The following TAF1B variants were observed in gnomAD, a reference collection of about 807,000 sequenced individuals.
TAF1B encodes TATA-box binding protein associated factor, RNA polymerase I subunit B.
TAF1B carries 61 observed loss-of-function variants against 83.9 expected under a neutral mutation model. The observed-to-expected ratio is 0.73, with a 90% confidence interval of 0.59 to 0.90. The LOEUF (loss-of-function observed/expected upper bound fraction) is 0.90, where lower values mean the gene tolerates loss of function less well. TAF1B is among the 40% of genes least tolerant of loss of function. TAF1B has a pLI of 0.00. For synonymous variants in TAF1B, 221 were observed against 224.6 expected, an observed-to-expected ratio of 0.98 and a Z score of 0.14; for missense variants, 625 against 677.0, an observed-to-expected ratio of 0.92 and a Z score of 0.85.
At chr2:9,894,085 A>G (rs1250213275) in intron 8 of TAF1B, among the ~76,000 whole-genome samples, 1 of 136,320 alleles carries the variant, frequency 7.3e-6, no homozygotes, top group African/African-American at 2.5e-5. Flanking sequence ...CTTAACTAAA[A>G]GTGTAAATTG....
intron 11 of TAF1B, among the ~76,000 whole-genome samples, chr2:9,912,398 C>G (rs111706904): frequency 2.0e-5 from 3 of 151,754 alleles, no homozygotes; most frequent in African/African-American, 7.2e-5. Context: ...GATTTATGTT[C>G]ATTGGTTTTA....
intron 5 of TAF1B, among the ~76,000 whole-genome samples, chr2:9,854,740 T>G (rs1284452436): frequency 6.6e-6 from 1 of 152,260 alleles, no homozygotes; most frequent in Non-Finnish European, 1.5e-5. Flanking sequence ...ATTTTTAATT[T>G]AATAATGTAT....
At chr2:9,872,588 G>C (rs887452804) in intron 6 of TAF1B, among the ~76,000 whole-genome samples, 4 of 152,050 alleles carry the variant, frequency 2.6e-5, no homozygotes, top group Admixed American at 6.6e-5. Context: ...TATTGTTCTT[G>C]TCACCTTTTT....
At chr2:9,866,895 A>G (rs535407007) in intron 5 of TAF1B, among the ~76,000 whole-genome samples, 37 of 151,422 alleles carry the variant, frequency 2.4e-4, no homozygotes, top group Non-Finnish European at 2.5e-4. Flanking sequence ...ATGAGAACAC[A>G]TGGACACAGG....
chr2:9,909,038 G>A (rs935459678), intron 9 of TAF1B, among the ~76,000 whole-genome samples: 1 of 152,144 alleles, frequency 6.6e-6, no homozygotes, highest in African/African-American at 2.4e-5. Flanking sequence ...ACTTTGATGC[G>A]ATATTTTGAA....
intron 9 of TAF1B, among the ~76,000 whole-genome samples, chr2:9,907,289 A>G (rs1665374631): frequency 6.6e-6 from 1 of 152,010 alleles, no homozygotes; most frequent in Non-Finnish European, 1.5e-5. Context: ...TTGGTTTGCA[A>G]ACCACCCATA....
At chr2:9,867,389 T>C (rs537024515) in intron 5 of TAF1B, among the ~76,000 whole-genome samples, 137 of 152,368 alleles carry the variant, frequency 9.0e-4, no homozygotes, top group Admixed American at 2.2e-3. Context: ...GCCAGCTTTC[T>C]GGTGTAGCCT....
Position 9,871,858 on chromosome 2 carries a change from GA to G in TAF1B, c.553+3430del, listed in dbSNP as rs1265710828. On this transcript the variant is annotated intron_variant, in intron 6 of 14. Transcript: ENST00000263663. ...AGAAGAAGACCGGAGGGGAATGGGG[GA>G]TTGTTTTAGTATTCAGTATGTAAAC... Among the ~76,000 whole-genome samples, 5 of 152,104 alleles carry G rather than the reference GA, an allele frequency of 3.3e-5. No homozygotes were observed. In the East Asian group the frequency reaches 9.6e-4, roughly 29 times the overall value.
At chr2:9,911,024 A>G (rs1665516955) in intron 10 of TAF1B, 111 bp downstream of exon 10, 3 of 1,015,296 alleles carry the variant, frequency 3.0e-6, no homozygotes, top group Middle Eastern at 6.5e-4. Flanking sequence ...TAAAGAAAAA[A>G]TTTGTACTGT....
intron 14 of TAF1B, among the ~76,000 whole-genome samples, chr2:9,923,508 T>A (rs12623213): frequency 0.22 from 34,006 of 151,818 alleles, 4,729 homozygotes; most frequent in East Asian, 0.31. Flanking sequence ...GAGAAACCCC[T>A]GTCTCTACTA....
Position 9,882,943 on chromosome 2 carries a change from G to A in TAF1B, c.807+138G>A, listed in dbSNP as rs1664559064. ...GGAACATCAGTCATAATTTAACGAA[G>A]AGTAGAATTTTATTATTTTTTATTT... On this transcript the variant is annotated intron_variant, in intron 8 of 14. Transcript: ENST00000263663. The A allele has an allele frequency of 1.1e-5, 6 of 565,178 alleles. No individual in the cohort carries two copies. The South Asian group carries it at 1.9e-4, about 18-fold the overall frequency. 35.0% of individuals were successfully genotyped at this position (565,178 alleles called of 1,614,324 possible). A position where few individuals can be genotyped will look rare whatever the true frequency, so the allele number is the denominator to read the frequency against.
intron 7 of TAF1B, among the ~76,000 whole-genome samples, chr2:9,877,393 C>G (rs1198646383): frequency 6.6e-6 from 1 of 152,162 alleles, no homozygotes; most frequent in Non-Finnish European, 1.5e-5. Context: ...CTGTTGCATC[C>G]TATCCAGAAG....
chr2:9,908,658 C>T (rs1451138652), intron 9 of TAF1B, among the ~76,000 whole-genome samples: 1 of 152,164 alleles, frequency 6.6e-6, no homozygotes, highest in Admixed American at 6.5e-5. Context: ...TTCTCTATCT[C>T]CTAATCTTTT....
chr2:9,860,919 A>G (rs1663731606), intron 5 of TAF1B, among the ~76,000 whole-genome samples: 1 of 152,236 alleles, frequency 6.6e-6, no homozygotes, highest in Admixed American at 6.5e-5. Context: ...AAGAAATTGC[A>G]TGGTTGCTGG....
intron 9 of TAF1B, among the ~76,000 whole-genome samples, chr2:9,908,630 T>G (rs1665422697): frequency 6.6e-6 from 1 of 152,228 alleles, no homozygotes; most frequent in South Asian, 2.1e-4. Flanking sequence ...CAGTAAATGC[T>G]TGTTGAATTG....
Position 9,854,404 on chromosome 2 carries a change from A to G in TAF1B, c.382A>G (p.Thr128Ala), listed in dbSNP as rs547652861. 1 of 1,613,736 alleles carries G rather than the reference A, an allele frequency of 6.2e-7. No homozygotes were observed. The highest frequency in any genetic ancestry group is 1.3e-5 in the African/African-American group (1 of 75,044). Residue 128 changes from threonine to alanine, a missense_variant, in exon 5 of 15, where the codon ACT (threonine) becomes GCT (alanine). By Grantham distance (58) the Thr-to-Ala change is moderately conservative. Coordinates refer to ENST00000263663, the MANE Select transcript of TAF1B (RefSeq NM_005680.3). ...ATATTGTAAGAACCCAGTTTATACC[A>G]CTGGAAGGAAACCTACGGTAAGTCA... ...QAYCKNPVYT[T>A]GRKPTVLEDN...
chr2:9,878,717 G>A (rs1413487685), intron 7 of TAF1B, among the ~76,000 whole-genome samples: 2 of 152,278 alleles, frequency 1.3e-5, no homozygotes, highest in South Asian at 2.1e-4. Context: ...AGACCCTTGC[G>A]ATGCAGTTGT....
intron 8 of TAF1B, among the ~76,000 whole-genome samples, chr2:9,899,324 A>G (rs769345163): frequency 1.3e-5 from 2 of 152,226 alleles, no homozygotes; most frequent in Admixed American, 6.5e-5. Flanking sequence ...AGGATCACCT[A>G]TATTGTAGTT....
At chr2:9,930,338 A>C (rs568865830) in intron 14 of TAF1B, among the ~76,000 whole-genome samples, 1 of 151,998 alleles carries the variant, frequency 6.6e-6, no homozygotes, top group Non-Finnish European at 1.5e-5. Flanking sequence ...CCCTCTACAC[A>C]CTGCTTTAAA....
Sources: gnomAD v4.1 joint callset for allele counts (sites outside exome capture counted in the v4.1 genomes callset) on GRCh38, gnomAD v4.1.1 for gene constraint, MANE v1.5 for transcripts, NCBI Gene and HGNC (gene_info 2026-07-23, HGNC 2026-07-21) for gene names.